Variants in DAB1 observed in about 807,000 individuals in gnomAD.
DAB1 encodes disabled homolog 1.
Under a neutral mutation model 64.6 loss-of-function variants are expected in DAB1, and 15 were observed. The observed-to-expected ratio is 0.23, with a 90% CI of 0.16 to 0.36. The LOEUF is 0.36. Among genes scored for constraint, DAB1 ranks in the 10% least tolerant of loss-of-function variants. DAB1 has a pLI of 1.00. For synonymous variants in DAB1, 235 were observed against 251.9 expected (o/e 0.93, Z 0.64); for missense variants, 596 against 706.7 (o/e 0.84, Z 1.78).
chr1:58,140,171 C>T lies in DAB1; in HGVS notation n.387+10340G>A, dbSNP rs148535590. On this transcript the variant is annotated intron_variant and non_coding_transcript_variant, in intron 5 of 20. Coordinates refer to the DAB1 transcript ENST00000485760. ...CTCTTATCTTCCAGGTCTTTCTCTA[C>T]CAAGGTAATTCTCATTGTTTGGTTA... Among the ~76,000 whole-genome samples the T allele has an allele frequency of 1.1e-4, 17 of 152,302 alleles. No homozygotes were observed. The East Asian group carries it at 3.3e-3, about 29-fold the overall frequency.
At chr1:57,790,934 T>C (rs1650569812) in intron 6 of DAB1, among the ~76,000 whole-genome samples, 1 of 152,158 alleles carries the variant, frequency 6.6e-6, no homozygotes, top group African/African-American at 2.4e-5. Flanking sequence ...TTAAACATGG[T>C]AGATAGCTAT....
chr1:57,755,252 T>A lies in DAB1; in HGVS notation n.552-105587A>T, dbSNP rs942284548. Among the ~76,000 whole-genome samples the A allele has an allele frequency of 1.1e-4, 17 of 152,166 alleles. 1 individual carries two copies. Among genetic ancestry groups the A allele is most frequent in the Admixed American group, 1.1e-3 (17 of 15,274 alleles). On this transcript the variant is annotated intron_variant and non_coding_transcript_variant, in intron 6 of 20. Transcript: ENST00000485760. ...GTTGGGATTTTGATTGGAGTAGCTT[T>A]GAATCTATAAATCAACTTGGGAAAA... is the stretch of plus-strand genomic sequence containing the variant.
intron 4 of DAB1, among the ~76,000 whole-genome samples, chr1:58,199,450 A>T (rs1570475119): frequency 6.6e-6 from 1 of 152,182 alleles, no homozygotes; most frequent in South Asian, 2.1e-4. Flanking sequence ...TAGCTTTGTA[A>T]CCATGGGCAA....
intron 7 of DAB1, among the ~76,000 whole-genome samples, chr1:57,628,454 C>CCATT (rs1190886046): frequency 6.6e-6 from 1 of 152,102 alleles, no homozygotes; most frequent in Non-Finnish European, 1.5e-5. Context: ...AGCCATTCAC[C>CCATT]CATTCATTCA....
intron 7 of DAB1, among the ~76,000 whole-genome samples, chr1:57,560,528 A>G (rs1004933801): frequency 7.9e-5 from 12 of 152,232 alleles, no homozygotes; most frequent in Admixed American, 2.6e-4. Context: ...ACCAAGAAAG[A>G]GGCATAACAC....
At chr1:58,108,137 C>T (rs752568996) in intron 5 of DAB1, among the ~76,000 whole-genome samples, 6 of 152,066 alleles carry the variant, frequency 3.9e-5, no homozygotes, top group Middle Eastern at 3.2e-3. Flanking sequence ...GGAGCCCTGG[C>T]GGGATTTTCA....
intron 5 of DAB1, among the ~76,000 whole-genome samples, chr1:57,959,139 G>A (rs1222647194): frequency 6.6e-6 from 1 of 152,196 alleles, no homozygotes. Flanking sequence ...AGCAGTCTTT[G>A]ATACTGACTC....
At chr1:57,649,592 C>G (rs1401033640) in exon 7 of DAB1, 1 of 152,102 alleles carries the variant, frequency 6.6e-6, no homozygotes, top group Non-Finnish European at 1.5e-5. Context: ...AAATATTTAC[C>G]TTTGTGTTGT....
At chr1:58,177,271 A>G (rs1656536745) in intron 4 of DAB1, among the ~76,000 whole-genome samples, 1 of 152,190 alleles carries the variant, frequency 6.6e-6, no homozygotes, top group East Asian at 1.9e-4. Flanking sequence ...ACTTAGAACA[A>G]AAGCCACCTT....
In DAB1 at chr1:58,119,237, T is replaced by C. The variant is rs934552135; in HGVS notation, n.387+31274A>G. On this transcript the variant is annotated intron_variant and non_coding_transcript_variant, in intron 5 of 20. Coordinates refer to the DAB1 transcript ENST00000485760. ...TTGTGTGTGTGTGCGTGTGTGTGTGTGTGTGTGTGTGTGTGTGTATGCTTA... is the reference window on the plus strand; with the variant it reads ...TTGTGTGTGTGTGCGTGTGTGTGTGCGTGTGTGTGTGTGTGTGTATGCTTA... Among the ~76,000 whole-genome samples the C allele has an allele frequency of 4.2e-3, 640 of 151,916 alleles. 6 individuals are homozygous for C. The highest frequency in any genetic ancestry group is 0.015 in the African/African-American group (609 of 41,418).
chr1:57,457,322 A>C (rs1686635154), intron 7 of DAB1, among the ~76,000 whole-genome samples: 1 of 152,298 alleles, frequency 6.6e-6, no homozygotes, highest in South Asian at 2.1e-4. Context: ...CCAGCATGGC[A>C]GTGGACAGAA....
intron 3 of DAB1, among the ~76,000 whole-genome samples, chr1:58,390,906 T>C (rs1343736480): frequency 3.3e-5 from 5 of 152,052 alleles, no homozygotes; most frequent in Non-Finnish European, 7.4e-5. Context: ...CAGTGGTAGT[T>C]CTCCCAGGGG....
rs930463560 is a variant in DAB1 at position 58,308,517 on chromosome 1, TC to T, written n.309+34834del. ...CTTCCACAGTGGAAGCACCTGTCCC[TC>T]CCCTACAGGCTTAAGTAAGTCCTCA... On this transcript the variant is annotated intron_variant and non_coding_transcript_variant, in intron 4 of 20. Transcript: ENST00000485760. Among the ~76,000 whole-genome samples, 5 of 152,070 alleles carry T rather than the reference TC, an allele frequency of 3.3e-5. No homozygotes were observed. The East Asian group carries it at 5.8e-4, about 18-fold the overall frequency.
intron 4 of DAB1, among the ~76,000 whole-genome samples, chr1:57,107,921 G>A (rs1041533081): frequency 2.0e-5 from 3 of 152,078 alleles, no homozygotes; most frequent in African/African-American, 7.2e-5. Flanking sequence ...TCTAAATAGG[G>A]ATAATGATGC....
intron 4 of DAB1, among the ~76,000 whole-genome samples, chr1:58,296,289 C>T (rs914258253): frequency 6.6e-6 from 1 of 152,054 alleles, no homozygotes; most frequent in Non-Finnish European, 1.5e-5. Flanking sequence ...CAACTCCTTA[C>T]TGAGTGTCCA....
chr1:57,072,189 T>C, intron 5 of DAB1, 94 bp downstream of exon 5: 2 of 1,366,736 alleles, frequency 1.5e-6, no homozygotes, highest in Non-Finnish European at 2.0e-6. Context: ...TGCTTGGTCA[T>C]ATCTGAGAGT....
At chr1:57,535,842 G>T (rs1010389357) in intron 7 of DAB1, among the ~76,000 whole-genome samples, 2 of 152,142 alleles carry the variant, frequency 1.3e-5, no homozygotes, top group Admixed American at 6.6e-5. Context: ...AGGGTGCAGT[G>T]GAGCCCTTTT....
chr1:57,414,067 G>A (rs181540344), intron 1 of DAB1, among the ~76,000 whole-genome samples: 1 of 152,306 alleles, frequency 6.6e-6, no homozygotes, highest in Admixed American at 6.5e-5. Flanking sequence ...TTCTAGTGAA[G>A]ATGCTGTGAA....
chr1:57,626,281 G>T (rs1041326655), intron 7 of DAB1, among the ~76,000 whole-genome samples: 4 of 152,142 alleles, frequency 2.6e-5, no homozygotes, highest in African/African-American at 9.7e-5. Flanking sequence ...TGGGCTGCAG[G>T]AACACCAGGG....
Sources: allele counts gnomAD v4.1 joint callset (sites outside exome capture counted in the v4.1 genomes callset), GRCh38; gene constraint gnomAD v4.1.1; transcripts MANE v1.5; gene names NCBI Gene and HGNC (gene_info 2026-07-23, HGNC 2026-07-21).